Variants in CCSER2 observed in about 807,000 individuals in gnomAD.
CCSER2 encodes serine-rich coiled-coil domain-containing protein 2.
In CCSER2, 46 loss-of-function variants were observed where a neutral mutation model predicts 92.3. That is an observed-to-expected ratio of 0.50 (90% confidence interval 0.39 to 0.64). The LOEUF is 0.64. Ranked by LOEUF, CCSER2 falls within the 30% of genes least tolerant of loss-of-function variation. The pLI, the probability that CCSER2 is intolerant of heterozygous loss-of-function variation, is 0.00. For synonymous variants in CCSER2, 433 were observed against 431.4 expected (o/e 1.00, Z -0.04); for missense variants, 1,244 against 1,238.9 (o/e 1.00, Z -0.06).
At chr10:84,382,391 C>G (rs1840962520) in intron 3 of CCSER2, among the ~76,000 whole-genome samples, 1 of 152,146 alleles carries the variant, frequency 6.6e-6, no homozygotes, top group Non-Finnish European at 1.5e-5. Flanking sequence ...CTACTTGTTA[C>G]ACTCTCAGTC....
chr10:84,341,388 T>C (rs1291075296), intron 1 of CCSER2, among the ~76,000 whole-genome samples: 2 of 148,744 alleles, frequency 1.3e-5, no homozygotes, highest in Non-Finnish European at 1.5e-5. Context: ...TTTTGCTATC[T>C]TGCCTGGGCT....
intron 9 of CCSER2, among the ~76,000 whole-genome samples, chr10:84,488,480 T>C (rs1480397784): frequency 6.6e-6 from 1 of 152,212 alleles, no homozygotes; most frequent in African/African-American, 2.4e-5. Context: ...AGGGTATATG[T>C]GTCGAGGAAT....
chr10:84,329,942 C>T (rs1029763451), intron 1 of CCSER2, among the ~76,000 whole-genome samples: 1 of 152,224 alleles, frequency 6.6e-6, no homozygotes, highest in Non-Finnish European at 1.5e-5. Context: ...TAAAAATGCA[C>T]ACTTTGTTGA....
intron 1 of CCSER2, among the ~76,000 whole-genome samples, chr10:84,344,462 T>G (rs1844373488): frequency 6.6e-6 from 1 of 152,174 alleles, no homozygotes; most frequent in Non-Finnish European, 1.5e-5. Flanking sequence ...TCTGATGAAT[T>G]TAGGGGTTTA....
intron 1 of CCSER2, among the ~76,000 whole-genome samples, chr10:84,368,765 G>T (rs1483973113): frequency 1.3e-5 from 2 of 152,026 alleles, no homozygotes; most frequent in African/African-American, 4.8e-5. Context: ...AGATTTTAGT[G>T]CACGTGCCAC....
In CCSER2 at chr10:84,470,446, A is replaced by T; in HGVS notation, c.2223A>T (p.Leu741Phe). 7.1e-7 allele frequency: 1 copy of T among 1,413,710 alleles called. No homozygotes were observed. The highest frequency in any genetic ancestry group is 9.4e-7 in the Non-Finnish European group (1 of 1,060,358). 87.6% of individuals were successfully genotyped at this position (1,413,710 alleles called of 1,614,324 possible). The change falls in exon 8 of 10, where the codon TTA becomes TTT. Residue 741 changes from leucine (L) to phenylalanine (F), a missense_variant. Coordinates refer to ENST00000372088, the MANE Select transcript of CCSER2 (RefSeq NM_001284240.2). Reference sequence around the variant, plus strand: ...AAAAAGATGAAAAGATCCAACTATTAGAACTTCAGCTTGTAAGTATTGTAG... The same window carrying T: ...AAAAAGATGAAAAGATCCAACTATTTGAACTTCAGCTTGTAAGTATTGTAG... ...IKKKDEKIQL[L>F]ELQLATQHIC...
At chr10:84,424,354 T>C (rs919769988) in intron 4 of CCSER2, among the ~76,000 whole-genome samples, 2 of 152,142 alleles carry the variant, frequency 1.3e-5, no homozygotes, top group African/African-American at 4.8e-5. Flanking sequence ...GTAAGGCTTC[T>C]TTTAAAACAT....
At chr10:84,370,968 A>G in intron 1 of CCSER2, 46 bp from the exon 2 acceptor site, 1 of 835,284 alleles carries the variant, frequency 1.2e-6, no homozygotes, top group Non-Finnish European at 1.8e-6. Context: ...TCATGTAATT[A>G]TCCTTATTTA....
At position 84,514,218 on chromosome 10, in the gene CCSER2, G is replaced by A; in HGVS notation, c.3095G>A (p.Cys1032Tyr). 2 of 1,536,516 alleles carry A rather than the reference G, an allele frequency of 1.3e-6. No homozygotes were observed. Among genetic ancestry groups the A allele is most frequent in the Non-Finnish European group, 1.7e-6 (2 of 1,147,000 alleles). The change falls in exon 10 of 10, where the codon TGT becomes TAT. Residue 1032 changes from cysteine to tyrosine, a missense_variant. By Grantham distance (194) the Cys-to-Tyr change is radical. Transcript: ENST00000372088. ...AATGGCAATTTGCATTCTGGGGATT[G>A]TTTGGCCTCTAATCGATATTCTCGT... ...NPNGNLHSGD[C>Y]LASNRYSRLP... is the part of the protein sequence containing the mutation.
At chr10:84,508,372 T>C (rs568922985) in intron 9 of CCSER2, among the ~76,000 whole-genome samples, 2 of 152,342 alleles carry the variant, frequency 1.3e-5, no homozygotes, top group East Asian at 3.9e-4. Context: ...TTACTGGTTA[T>C]TATTTGCAAC....
Position 84,515,805 on chromosome 10 carries a change from A to G in CCSER2, c.*1538A>G, listed in dbSNP as rs1849580290. The G allele has an allele frequency of 1.3e-5, 2 of 152,230 alleles. No individual in the cohort carries two copies. The highest frequency in any genetic ancestry group is 4.8e-5 in the African/African-American group (2 of 41,470). 9.4% of individuals were successfully genotyped at this position (152,230 alleles called of 1,614,324 possible). A position where few individuals can be genotyped will look rare whatever the true frequency, so the allele number is the denominator to read the frequency against. ...TAAAAAGGTGCTAGAAGATGTTTCA[A>G]AGACAATATTCTTATTTTAATACGC... On this transcript the variant is annotated 3_prime_UTR_variant, in exon 10 of 10. Transcript: ENST00000372088.
At chr10:84,454,115 T>G (rs182394249) in intron 6 of CCSER2, among the ~76,000 whole-genome samples, 147 of 152,262 alleles carry the variant, frequency 9.7e-4, no homozygotes, top group African/African-American at 3.5e-3. Context: ...CATCAGGGCT[T>G]TTCTCTGTCT....
chr10:84,483,982 TATATATATATATATAA>T (rs1466436543), intron 9 of CCSER2, among the ~76,000 whole-genome samples: 7 of 124,712 alleles, frequency 5.6e-5, no homozygotes, highest in South Asian at 2.7e-4. Context: ...TATATATATA[TATATATATATATATAA>T]TTTTTTTTTT....
At chr10:84,340,897 G>C (rs1433914656) in intron 1 of CCSER2, among the ~76,000 whole-genome samples, 1 of 152,114 alleles carries the variant, frequency 6.6e-6, no homozygotes, top group Admixed American at 6.5e-5. Context: ...CTGAACAAGA[G>C]AAGGTCCGAG....
chr10:84,374,037 A>T (rs1398236726), intron 3 of CCSER2: 1 of 983,180 alleles, frequency 1.0e-6, no homozygotes, highest in Non-Finnish European at 1.4e-6. Flanking sequence ...GTTTACATAT[A>T]TATTCCTCAT....
chr10:84,513,769 G>A lies in CCSER2; in HGVS notation c.2646G>A (p.Gln882=). ...HLANNQISDM[Q]FIPTSLQTPP... ...CAAACAATCAAATTAGTGACATGCA[G>A]TTTATACCCACTTCTCTTCAGACAC... The change falls in exon 10 of 10, where the codon CAG becomes CAA. Residue 882 remains glutamine (Q), a synonymous_variant. Transcript: ENST00000372088. 1 of 1,536,876 alleles carries A rather than the reference G, an allele frequency of 6.5e-7. No individual in the cohort carries two copies. The highest frequency in any genetic ancestry group is 8.7e-7 in the Non-Finnish European group (1 of 1,146,932).
At chr10:84,396,386 AT>A (rs201843812) in intron 3 of CCSER2, among the ~76,000 whole-genome samples, 92 of 148,872 alleles carry the variant, frequency 6.2e-4, no homozygotes, top group African/African-American at 8.6e-4. Flanking sequence ...TTTGTTTAGC[AT>A]TTTTTTTTTA....
chr10:84,403,205 T>C (rs978077916), intron 3 of CCSER2, among the ~76,000 whole-genome samples: 3 of 151,892 alleles, frequency 2.0e-5, no homozygotes, highest in Non-Finnish European at 4.4e-5. Context: ...GTTTAACAAA[T>C]AGTACTGAAA....
intron 6 of CCSER2, among the ~76,000 whole-genome samples, chr10:84,457,683 ATTAT>A (rs1340399766): frequency 3.9e-5 from 5 of 128,152 alleles, no homozygotes; most frequent in African/African-American, 1.4e-4. Flanking sequence ...TATTATATAA[ATTAT>A]ATATATTTAT....
Sources: gnomAD v4.1 joint callset for allele counts (sites outside exome capture counted in the v4.1 genomes callset) on GRCh38, gnomAD v4.1.1 for gene constraint, MANE v1.5 for transcripts, NCBI Gene and HGNC (gene_info 2026-07-23, HGNC 2026-07-21) for gene names.